DOCK7: variants seen among roughly 807,000 people sequenced by gnomAD.
DOCK7 encodes the protein dedicator of cytokinesis protein 7.
A neutral mutation model predicts 271.0 loss-of-function variants in DOCK7; 138 were observed. That is an observed-to-expected ratio of 0.51 (90% CI 0.44 to 0.59). The LOEUF is 0.59. Among genes scored for constraint, DOCK7 ranks in the 20% least tolerant of loss-of-function variants. DOCK7 has a pLI of 0.00. For missense variants in DOCK7, 2,066 were observed against 2,592.4 expected, an observed-to-expected ratio of 0.80 and a Z score of 4.41; for synonymous variants, 823 against 876.1, an observed-to-expected ratio of 0.94 and a Z score of 1.07.
intron 37 of DOCK7, among the ~76,000 whole-genome samples, chr1:62,502,916 T>C (rs1646827331): frequency 6.6e-6 from 1 of 151,920 alleles, no homozygotes; most frequent in Non-Finnish European, 1.5e-5. Flanking sequence ...GAGAGGCACA[T>C]CTAAAATAAA....
intron 43 of DOCK7, among the ~76,000 whole-genome samples, chr1:62,480,469 A>G (rs1646088048): frequency 6.6e-6 from 1 of 152,184 alleles, no homozygotes; most frequent in Non-Finnish European, 1.5e-5. Context: ...TACAAAACAA[A>G]GGGATATATG....
At chr1:62,641,597 A>G (rs1656032182) in intron 7 of DOCK7, 2 of 472,394 alleles carry the variant, frequency 4.2e-6, no homozygotes, top group Non-Finnish European at 8.6e-6. Context: ...ATTGCCAGAA[A>G]TGTGGATGCC....
chr1:62,611,943 G>A (rs892972752), intron 14 of DOCK7, among the ~76,000 whole-genome samples: 3 of 150,294 alleles, frequency 2.0e-5, no homozygotes, highest in Non-Finnish European at 1.5e-5. Flanking sequence ...TCAGGAGTTC[G>A]AGACATGCCT....
intron 31 of DOCK7, among the ~76,000 whole-genome samples, chr1:62,518,717 G>A (rs1246638362): frequency 1.3e-5 from 2 of 152,122 alleles, no homozygotes; most frequent in African/African-American, 4.8e-5. Flanking sequence ...TCCAGCCTGG[G>A]TGACAGAGCA....
intron 1 of DOCK7, among the ~76,000 whole-genome samples, chr1:62,673,351 A>AAAGTCTCC (rs1408245284): frequency 6.6e-6 from 1 of 152,208 alleles, no homozygotes; most frequent in Non-Finnish European, 1.5e-5. Context: ...AAAGCACTGT[A>AAAGTCTCC]TTAAGGAGAC....
At position 62,535,609 on chromosome 1, in the gene DOCK7, T is replaced by C. The variant is rs1407083350; in HGVS notation, c.3495A>G (p.Val1165=). The C allele has an allele frequency of 6.8e-6, 11 of 1,613,878 alleles. No individual in the cohort carries two copies. The East Asian group carries it at 8.9e-5, about 13-fold the overall frequency. ...TSQSSGFSTN[V]QDQKIANMFE... is the part of the protein sequence containing the mutation. The stretch of plus-strand genomic sequence containing the variant: ...ACATATTTGCAATCTTTTGGTCTTG[T>C]ACATTCGTAGAAAATCCAGAACTCT... Residue 1165 remains valine (V), a synonymous_variant, in exon 29 of 50, where the codon GTA becomes GTG. Coordinates refer to ENST00000635253, the MANE Select transcript of DOCK7 (RefSeq NM_001367561.1).
intron 31 of DOCK7, among the ~76,000 whole-genome samples, chr1:62,526,152 G>A (rs1292099443): frequency 6.6e-6 from 1 of 152,016 alleles, no homozygotes; most frequent in Non-Finnish European, 1.5e-5. Context: ...TGTCCCCCAG[G>A]CTGGTCTCAA....
At chr1:62,662,614 A>G (rs1172264408) in intron 2 of DOCK7, among the ~76,000 whole-genome samples, 1 of 152,106 alleles carries the variant, frequency 6.6e-6, no homozygotes, top group Non-Finnish European at 1.5e-5. Context: ...TACAAAAATT[A>G]GCTGGGCATG....
chr1:62,673,842 A>C (rs1416799229), intron 1 of DOCK7, among the ~76,000 whole-genome samples: 1 of 151,838 alleles, frequency 6.6e-6, no homozygotes, highest in Non-Finnish European at 1.5e-5. Context: ...TTAGAGCAAG[A>C]GAAAGCCAAG....
At chr1:62,577,237 G>T in intron 18 of DOCK7, 25 bp downstream of exon 18, 1 of 1,366,694 alleles carries the variant, frequency 7.3e-7, no homozygotes, top group Non-Finnish European at 9.7e-7. Flanking sequence ...TCAATCTGGA[G>T]AAAGTCAACA....
rs965647127 is a variant in DOCK7 at position 62,547,038 on chromosome 1, C to T, written c.2767-1999G>A. Among the ~76,000 whole-genome samples the T allele has an allele frequency of 3.3e-5, 5 of 152,030 alleles. No homozygotes were observed. The South Asian group carries it at 1.0e-3, about 32-fold the overall frequency. On this transcript the variant is annotated intron_variant, in intron 22 of 49. Transcript: ENST00000635253. ...TGAATTTCCACAAAAAGAATAAGAA[C>T]TTTGCTGTACTCTTAAATTTACTTA...
At chr1:62,577,905 A>G (rs1646985048) in intron 17 of DOCK7, among the ~76,000 whole-genome samples, 1 of 152,010 alleles carries the variant, frequency 6.6e-6, no homozygotes, top group African/African-American at 2.4e-5. Flanking sequence ...TTATCTTTGC[A>G]ATTCAACCAT....
chr1:62,661,933 G>A (rs1658710055), intron 2 of DOCK7, among the ~76,000 whole-genome samples: 1 of 152,132 alleles, frequency 6.6e-6, no homozygotes, highest in African/African-American at 2.4e-5. Context: ...TTATCTCCAT[G>A]TACATTGAAA....
chr1:62,519,273 A>G (rs1201585672), intron 31 of DOCK7, among the ~76,000 whole-genome samples: 3 of 152,226 alleles, frequency 2.0e-5, no homozygotes, highest in Non-Finnish European at 4.4e-5. Flanking sequence ...ACAAGAGTAC[A>G]GGACATAGAA....
chr1:62,658,861 G>A (rs1658331939), intron 2 of DOCK7, among the ~76,000 whole-genome samples: 1 of 151,838 alleles, frequency 6.6e-6, no homozygotes, highest in Non-Finnish European at 1.5e-5. Context: ...GCTGAGGTGG[G>A]AGAATTACTT....
chr1:62,484,732 T>C (rs1280103915), intron 43 of DOCK7: 1 of 152,156 alleles, frequency 6.6e-6, no homozygotes, highest in Non-Finnish European at 1.5e-5. Flanking sequence ...AATATATATG[T>C]ATATATACAT....
At chr1:62,591,061 T>C (rs1205247943) in intron 14 of DOCK7, among the ~76,000 whole-genome samples, 1 of 152,130 alleles carries the variant, frequency 6.6e-6, no homozygotes, top group Non-Finnish European at 1.5e-5. Context: ...GCAGCACTAT[T>C]CACAATAGCA....
At position 62,513,848 on chromosome 1, in the gene DOCK7, C is replaced by G. The variant is rs548738674; in HGVS notation, c.3987G>C (p.Leu1329Phe). 2.5e-6 allele frequency: 4 copies of G among 1,613,890 alleles called. No homozygotes were observed. Among genetic ancestry groups the G allele is most frequent in the Non-Finnish European group, 3.4e-6 (4 of 1,179,954 alleles). Reference sequence around the variant, plus strand: ...TTTTGAGAACCCAAAGTAGACAGATCAAAAGGCTTCGACTTGATTCTGCTG... The same window carrying G: ...TTTTGAGAACCCAAAGTAGACAGATGAAAAGGCTTCGACTTGATTCTGCTG... ...TFSAESSRSLLICLLWVLKNA... is the reference protein window; with the variant it reads ...TFSAESSRSLFICLLWVLKNA... The change falls in exon 32 of 50, where the codon TTG (leucine) becomes TTC (phenylalanine). Residue 1329 changes from leucine to phenylalanine, a missense_variant. Leu to Phe is a conservative substitution (Grantham distance 22). This residue lies in a region of DOCK7 where 1,414 missense variants were observed against 1,670.4 expected (regional missense o/e 0.85). Coordinates refer to ENST00000635253, the MANE Select transcript of DOCK7 (RefSeq NM_001367561.1).
chr1:62,633,522 A>T lies in DOCK7; in HGVS notation c.1092T>A (p.Ile364=). The change falls in exon 10 of 50, where the codon ATT becomes ATA. Residue 364 remains isoleucine, a synonymous_variant. Coordinates refer to ENST00000635253, the MANE Select transcript of DOCK7 (RefSeq NM_001367561.1). Reference sequence around the variant, plus strand: ...CCTTGGTGGCATCTGCTTCTTTGAAAATCATATATGGTTCTGCACACTCTC... The same window carrying T: ...CCTTGGTGGCATCTGCTTCTTTGAATATCATATATGGTTCTGCACACTCTC... ...DIGECAEPYM[I]FKEADATKNK... The T allele has an allele frequency of 6.2e-7, 1 of 1,613,104 alleles. No individual in the cohort carries two copies. The highest frequency in any genetic ancestry group is 8.5e-7 in the Non-Finnish European group (1 of 1,179,508).
Sources: allele counts gnomAD v4.1 joint callset (sites outside exome capture counted in the v4.1 genomes callset), GRCh38; gene constraint gnomAD v4.1.1; regional missense constraint gnomAD v4.1.1; transcripts MANE v1.5; gene names NCBI Gene and HGNC (gene_info 2026-07-23, HGNC 2026-07-21).